THOC1: variants seen among roughly 807,000 people sequenced by gnomAD.
The protein encoded by THOC1 is THO complex 1.
A neutral mutation model predicts 97.3 loss-of-function variants in THOC1; 29 were observed. That is an observed-to-expected ratio of 0.30 (90% CI 0.22 to 0.41). The LOEUF (loss-of-function observed/expected upper bound fraction) is 0.41, where lower values mean the gene tolerates loss of function less well. THOC1 is among the 10% of genes least tolerant of loss of function. THOC1 has a pLI of 1.00. For missense variants in THOC1, 529 were observed against 761.9 expected (o/e 0.69, Z 3.60); for synonymous variants, 255 against 257.0 (o/e 0.99, Z 0.07).
intron 4 of THOC1, among the ~76,000 whole-genome samples, chr18:261,332 T>C (rs1201519114): frequency 1.3e-5 from 2 of 152,156 alleles, no homozygotes; most frequent in Admixed American, 6.5e-5. Flanking sequence ...GAAAAATATC[T>C]AGGGTGATCT....
At position 225,352 on chromosome 18, in the gene THOC1, T is replaced by C. The variant is rs959829965; in HGVS notation, c.1071A>G (p.Thr357=). Residue 357 remains threonine (T), a synonymous_variant, in exon 13 of 21, where the codon ACA becomes ACG. Transcript: ENST00000261600. ...TTGAACTTACTTGATAAACTGATTT[T>C]GTAGTATCTTCAATCCAAAGTGATT... ...DEQSLWIEDT[T]KSVYQLLSEN... The C allele has an allele frequency of 1.2e-6, 2 of 1,613,612 alleles. 1 individual carries two copies. The highest frequency in any genetic ancestry group is 3.3e-4 in the Middle Eastern group (2 of 6,056).
At position 214,785 on chromosome 18, in the gene THOC1, G is replaced by A; in HGVS notation, c.1815C>T (p.Asp605=). The A allele has an allele frequency of 6.2e-7, 1 of 1,613,908 alleles. No homozygotes were observed. Among genetic ancestry groups the A allele is most frequent in the Non-Finnish European group, 8.5e-7 (1 of 1,179,866 alleles). Residue 605 remains aspartate (D), a synonymous_variant, in exon 21 of 21, where the codon GAC becomes GAT. Transcript: ENST00000261600. ...TAGCTCTCATCTTCATGTCTTCACTGTCACACTCAATCTGCCTAATTTCTG... is the reference window on the plus strand; with the variant it reads ...TAGCTCTCATCTTCATGTCTTCACTATCACACTCAATCTGCCTAATTTCTG... ...KDSEIRQIEC[D]SEDMKMRAKQ... is the part of the protein sequence containing the mutation.
intron 11 of THOC1, among the ~76,000 whole-genome samples, chr18:235,118 A>T (rs1310879102): frequency 2.1e-5 from 3 of 144,192 alleles, no homozygotes; most frequent in Non-Finnish European, 4.5e-5. Flanking sequence ...TATTTCGGTC[A>T]TTAAAATTTT....
Position 214,606 on chromosome 18 carries a change from A to G in THOC1, c.*20T>C. ...TAACAAAATCTATCACAGTTTTAATAAAAAGAAAAAAAAAAGAAGCTAACT... is the reference window on the plus strand; with the variant it reads ...TAACAAAATCTATCACAGTTTTAATGAAAAGAAAAAAAAAAGAAGCTAACT... On this transcript the variant is annotated 3_prime_UTR_variant, in exon 21 of 21. Coordinates refer to ENST00000261600, the MANE Select transcript of THOC1 (RefSeq NM_005131.3). 1.3e-6 allele frequency: 2 copies of G among 1,580,206 alleles called. No individual in the cohort carries two copies. The highest frequency in any genetic ancestry group is 2.3e-5 in the South Asian group (2 of 85,210).
chr18:226,718 CACAT>C (rs1261150208), intron 12 of THOC1, 79 bp downstream of exon 12: 14 of 956,352 alleles, frequency 1.5e-5, no homozygotes, highest in Admixed American at 1.1e-4. Context: ...ATGAAATGGA[CACAT>C]ACATAAGAAA....
chr18:267,831 C>T, intron 1 of THOC1, 135 bp downstream of exon 1: 1 of 920,676 alleles, frequency 1.1e-6, no homozygotes. Flanking sequence ...CAACCTCCGA[C>T]GGGGCCCGGA....
chr18:254,971 A>G lies in THOC1; in HGVS notation c.521-616T>C, dbSNP rs935814745. Among the ~76,000 whole-genome samples, 4 of 152,060 alleles carry G rather than the reference A, an allele frequency of 2.6e-5. No homozygotes were observed. Among genetic ancestry groups the G allele is most frequent in the African/African-American group, 7.2e-5 (3 of 41,396 alleles). On this transcript the variant is annotated intron_variant, in intron 7 of 20. Transcript: ENST00000261600. The surrounding 1 kb of genome is among the most constrained non-coding windows in gnomAD (Gnocchi z 4.1). Reference sequence around the variant, plus strand: ...GCTGGGACTACAGGCAAGCACCACCATGCCTGGCTAAATTTTTTTGTATTT... The same window carrying G: ...GCTGGGACTACAGGCAAGCACCACCGTGCCTGGCTAAATTTTTTTGTATTT...
rs1486666763 is a variant in THOC1 at position 214,687 on chromosome 18, T to G, written c.1913A>C (p.Asn638Thr). ...TGCAAGGTCACTTAATCCAGACTTA[T>G]TCAGTGCATTAATCAGATTCTCAGG... is the stretch of plus-strand genomic sequence containing the variant. The part of the protein sequence containing the change: ...ATPENLINAL[N>T]KSGLSDLAES... Residue 638 changes from asparagine (N) to threonine (T), a missense_variant, in exon 21 of 21, where the codon AAT becomes ACT. Asn to Thr is a moderately conservative substitution (Grantham distance 65). Around this residue, in one of 8 missense-constraint regions of THOC1, gnomAD observed 98 missense variants for 111.9 expected, o/e 0.88. Coordinates refer to ENST00000261600, the MANE Select transcript of THOC1 (RefSeq NM_005131.3). The G allele has an allele frequency of 1.9e-6, 3 of 1,613,960 alleles. No individual in the cohort carries two copies. The highest frequency in any genetic ancestry group is 1.7e-6 in the Non-Finnish European group (2 of 1,179,824).
Position 225,011 on chromosome 18 carries a change from G to A in THOC1, c.1138-17C>T, listed in dbSNP as rs779295121. The A allele has an allele frequency of 4.9e-5, 76 of 1,566,870 alleles. No individual in the cohort carries two copies. The highest frequency in any genetic ancestry group is 6.4e-5 in the Non-Finnish European group (74 of 1,153,760). On this transcript the variant is annotated splice_polypyrimidine_tract_variant and intron_variant, in intron 14 of 20. Transcript: ENST00000261600. ...TAATATATGCTGGGAAAAACAAAGC[G>A]ATTACATTTTGGTTAGTGGAATCCT...
chr18:265,156 T>G (rs1912722771), intron 3 of THOC1, 147 bp downstream of exon 3: 2 of 648,898 alleles, frequency 3.1e-6, no homozygotes, highest in Admixed American at 6.4e-5. Flanking sequence ...AGAGAAATCG[T>G]ATAGTCATCA....
At chr18:263,758 A>G in intron 4 of THOC1, 1 of 355,456 alleles carries the variant, frequency 2.8e-6, no homozygotes, top group Non-Finnish European at 5.2e-6. Context: ...GCTCAGTACC[A>G]GGCACATAGT....
intron 8 of THOC1, among the ~76,000 whole-genome samples, chr18:253,984 C>T (rs970640639): frequency 6.7e-6 from 1 of 149,692 alleles, no homozygotes; most frequent in Non-Finnish European, 1.5e-5. Context: ...GATCAAGGCT[C>T]ACTGCAGCTT....
chr18:250,926 C>T (rs1283026276), intron 9 of THOC1, among the ~76,000 whole-genome samples: 4 of 152,050 alleles, frequency 2.6e-5, no homozygotes, highest in Admixed American at 6.6e-5. Flanking sequence ...CTAACTTGCC[C>T]CAGAGCCCTT....
At chr18:244,033 T>C (rs556523281) in intron 11 of THOC1, among the ~76,000 whole-genome samples, 16 of 152,216 alleles carry the variant, frequency 1.1e-4, no homozygotes, top group African/African-American at 3.6e-4. Flanking sequence ...GAGCAACAAG[T>C]TGGTTTTCTT....
intron 12 of THOC1, chr18:226,345 G>A (rs1463775698): frequency 1.3e-5 from 2 of 157,962 alleles, no homozygotes; most frequent in Non-Finnish European, 2.8e-5. Flanking sequence ...ATAGACAGTA[G>A]AGAGCCTAAT....
chr18:225,571 A>T, intron 12 of THOC1, 168 bp from the exon 13 acceptor site: 2 of 605,318 alleles, frequency 3.3e-6, no homozygotes, highest in Non-Finnish European at 5.7e-6. Flanking sequence ...AAATTCTTGC[A>T]CTTCTTCCTC....
Position 264,006 on chromosome 18 carries a change from C to A in THOC1, c.256+20G>T. ...ATGTCCAAGATTACTTTAAACAAAA[C>A]AAAACGGAACCATACTTACCTTCAG... On this transcript the variant is annotated intron_variant, in intron 4 of 20. Coordinates refer to ENST00000261600, the MANE Select transcript of THOC1 (RefSeq NM_005131.3). 6.3e-7 allele frequency: 1 copy of A among 1,591,558 alleles called. No individual in the cohort carries two copies. Among genetic ancestry groups the A allele is most frequent in the Non-Finnish European group, 8.6e-7 (1 of 1,163,272 alleles).
chr18:241,463 T>G (rs1911899034), intron 11 of THOC1, among the ~76,000 whole-genome samples: 1 of 152,188 alleles, frequency 6.6e-6, no homozygotes, highest in African/African-American at 2.4e-5. Context: ...GTGAATTTTC[T>G]TTTCTCCATG....
In THOC1 at chr18:259,725, T is replaced by C; in HGVS notation, c.381A>G (p.Thr127=). 1 of 1,546,318 alleles carries C rather than the reference T, an allele frequency of 6.5e-7. No homozygotes were observed. The highest frequency in any genetic ancestry group is 8.7e-7 in the Non-Finnish European group (1 of 1,144,442). ...EKNVATWKSN[T]FYSAGKNYLL... ...AGTAATTTTTCCCAGCAGAATAGAA[T>C]GTATTCTGAAATTAAGACGGAAATT... Residue 127 remains threonine (T), a synonymous_variant, in exon 6 of 21, where the codon ACA becomes ACG. Coordinates refer to ENST00000261600, the MANE Select transcript of THOC1 (RefSeq NM_005131.3).
Sources: gnomAD v4.1 joint callset for allele counts (sites outside exome capture counted in the v4.1 genomes callset) on GRCh38, gnomAD v4.1.1 for gene constraint, gnomAD v4.1.1 regional missense constraint, Gnocchi (gnomAD v3.1) non-coding constraint, MANE v1.5 for transcripts, NCBI Gene and HGNC (gene_info 2026-07-23, HGNC 2026-07-21) for gene names.